The following TRAM2 variants were observed in gnomAD, a reference collection of about 807,000 sequenced individuals.
TRAM2 encodes the protein translocating chain-associated membrane protein 2.
Under a neutral mutation model 51.0 loss-of-function variants are expected in TRAM2, and 12 were observed. The observed-to-expected ratio is 0.24, with a 90% confidence interval of 0.15 to 0.38. TRAM2 has a LOEUF of 0.38. Ranked by LOEUF, TRAM2 falls within the 10% of genes least tolerant of loss-of-function variation. The probability of loss-of-function intolerance (pLI) is 1.00; values close to 1 mark genes in which losing one functional copy is unlikely to be tolerated. For missense variants in TRAM2, 361 were observed against 462.0 expected (o/e 0.78, Z 2.00); for synonymous variants, 175 against 179.4 (o/e 0.98, Z 0.20).
In TRAM2 at chr6:52,576,925, C is replaced by A. The variant is rs374259657; in HGVS notation, c.-10G>T. ...TCCTGCGGAAAGCCATGGCAGCGGG[C>A]GCGCAGCGGCCGGCGGGGCCCGCAC... On this transcript the variant is annotated 5_prime_UTR_variant, in exon 1 of 11. Coordinates refer to ENST00000182527, the MANE Select transcript of TRAM2 (RefSeq NM_012288.4). The A allele has an allele frequency of 6.2e-7, 1 of 1,607,172 alleles. No individual in the cohort carries two copies. The highest frequency in any genetic ancestry group is 2.2e-5 in the East Asian group (1 of 44,672).
At chr6:52,575,946 G>C (rs1767755703) in intron 1 of TRAM2, among the ~76,000 whole-genome samples, 1 of 152,160 alleles carries the variant, frequency 6.6e-6, no homozygotes, top group Non-Finnish European at 1.5e-5. Flanking sequence ...TCAGTCTTGT[G>C]AATTCTGACC....
At chr6:52,508,835 A>G (rs971719876) in intron 5 of TRAM2, among the ~76,000 whole-genome samples, 9 of 152,140 alleles carry the variant, frequency 5.9e-5, no homozygotes, top group Non-Finnish European at 1.2e-4. Flanking sequence ...GGAGTTTGAG[A>G]CCAGCCTGGC....
intron 2 of TRAM2, among the ~76,000 whole-genome samples, chr6:52,518,348 CGTGGTGA>C (rs1766592544): frequency 6.6e-6 from 1 of 152,144 alleles, no homozygotes; most frequent in Non-Finnish European, 1.5e-5. Context: ...GGGAGGTCAC[CGTGGTGA>C]GCGGCGGGCT....
At chr6:52,509,381 A>T (rs1213059452) in intron 5 of TRAM2, 147 bp downstream of exon 5, 1 of 671,982 alleles carries the variant, frequency 1.5e-6, no homozygotes, top group Non-Finnish European at 2.6e-6. Context: ...AGTGGCTTCC[A>T]GACAAGTCTA....
intron 2 of TRAM2, among the ~76,000 whole-genome samples, chr6:52,526,090 T>C (rs1035590964): frequency 2.0e-5 from 3 of 151,842 alleles, no homozygotes; most frequent in African/African-American, 4.8e-5. Context: ...TACATTTCTG[T>C]TGTTTAAGCC....
chr6:52,512,255 G>C (rs1766464486), intron 4 of TRAM2, among the ~76,000 whole-genome samples: 3 of 152,182 alleles, frequency 2.0e-5, no homozygotes, highest in Admixed American at 6.5e-5. Flanking sequence ...TTTTAAACAG[G>C]AACGCTCCTT....
rs1374071650 is a variant in TRAM2, at chr6:52,506,094, T to C, written c.669A>G (p.Ser223=). The C allele has an allele frequency of 6.2e-7, 1 of 1,614,106 alleles. No homozygotes were observed. Among genetic ancestry groups the C allele is most frequent in the African/African-American group, 1.3e-5 (1 of 75,042 alleles). The change falls in exon 8 of 11, where the codon TCA becomes TCG. Residue 223 remains serine (S), a synonymous_variant. Coordinates refer to ENST00000182527, the MANE Select transcript of TRAM2 (RefSeq NM_012288.4). ...TAGCCGTGTGGAAGAGGAACTCAGT[T>C]GAGTACTGCAGCAGCAGCAAGATCA... ...LGLILLLLQY[S]TEFLFHTARL...
At chr6:52,515,927 C>A in intron 4 of TRAM2, 79 bp downstream of exon 4, 1 of 1,248,008 alleles carries the variant, frequency 8.0e-7, no homozygotes, top group South Asian at 1.3e-5. Context: ...CCTTTGCAGT[C>A]ATTTGATTAG....
At chr6:52,519,681 T>C (rs1766628273) in intron 2 of TRAM2, among the ~76,000 whole-genome samples, 1 of 152,158 alleles carries the variant, frequency 6.6e-6, no homozygotes, top group Admixed American at 6.5e-5. Context: ...AATAAAATAT[T>C]TGTACATCCA....
In TRAM2 at chr6:52,516,093, T is replaced by C; in HGVS notation, c.324A>G (p.Lys108=). The change falls in exon 4 of 11, where the codon AAA becomes AAG. Residue 108 remains lysine (K), a synonymous_variant. Coordinates refer to ENST00000182527, the MANE Select transcript of TRAM2 (RefSeq NM_012288.4). ...ATTCATTGAACTTGCTGTGTTTGAC[T>C]TTGGAGAGATGAAGCCGTTTGCTGA... ...DKISKRLHLS[K]VKHSKFNESG... is the part of the protein sequence containing the mutation. 6.2e-7 allele frequency: 1 copy of C among 1,614,160 alleles called. No individual in the cohort carries two copies. The highest frequency in any genetic ancestry group is 2.2e-5 in the East Asian group (1 of 44,888).
At chr6:52,542,212 CA>C (rs1767109067) in intron 1 of TRAM2, among the ~76,000 whole-genome samples, 1 of 150,408 alleles carries the variant, frequency 6.6e-6, no homozygotes, top group African/African-American at 2.5e-5. Flanking sequence ...TTCAGGCAGA[CA>C]AGAAAACCTT....
chr6:52,569,350 A>G (rs1192860758), intron 1 of TRAM2, among the ~76,000 whole-genome samples: 2 of 149,720 alleles, frequency 1.3e-5, no homozygotes, highest in East Asian at 3.9e-4. Flanking sequence ...AGATTGCACC[A>G]CTGTACTCCA....
At chr6:52,543,101 T>C (rs1234331416) in intron 1 of TRAM2, among the ~76,000 whole-genome samples, 1 of 152,210 alleles carries the variant, frequency 6.6e-6, no homozygotes, top group African/African-American at 2.4e-5. Context: ...TAGCCTTATA[T>C]AAAACATACG....
At chr6:52,535,122 C>A (rs978870117) in intron 2 of TRAM2, among the ~76,000 whole-genome samples, 10 of 152,174 alleles carry the variant, frequency 6.6e-5, no homozygotes, top group African/African-American at 2.2e-4. Flanking sequence ...AACATCCTGC[C>A]CATTCTCCTC....
chr6:52,537,246 T>G (rs986189548), intron 1 of TRAM2, among the ~76,000 whole-genome samples: 1 of 151,986 alleles, frequency 6.6e-6, no homozygotes, highest in Non-Finnish European at 1.5e-5. Flanking sequence ...CTAAGAGGAG[T>G]GATAGAAAAC....
intron 2 of TRAM2, among the ~76,000 whole-genome samples, chr6:52,531,391 G>A (rs901496039): frequency 6.6e-6 from 1 of 152,260 alleles, no homozygotes; most frequent in South Asian, 2.1e-4. Flanking sequence ...GCCCCAAATG[G>A]CAAGATTTAA....
At chr6:52,532,083 T>C (rs1466955256) in intron 2 of TRAM2, among the ~76,000 whole-genome samples, 1 of 152,244 alleles carries the variant, frequency 6.6e-6, no homozygotes, top group African/African-American at 2.4e-5. Context: ...AGTTCAGCTC[T>C]AGAGTGTGCT....
chr6:52,523,452 T>A (rs1002002772), intron 2 of TRAM2: 2 of 152,486 alleles, frequency 1.3e-5, no homozygotes, highest in Admixed American at 6.5e-5. Flanking sequence ...GTTATACATT[T>A]AAAAAAATGC....
At chr6:52,541,613 GCCTCTCGGGTTAAT>G (rs902881634) in intron 1 of TRAM2, among the ~76,000 whole-genome samples, 7 of 152,106 alleles carry the variant, frequency 4.6e-5, no homozygotes, top group African/African-American at 1.4e-4. Flanking sequence ...AGAAAATAAG[GCCTCTCGGGTTAAT>G]CCACCACCTG....
Sources: gnomAD v4.1 joint callset for allele counts (sites outside exome capture counted in the v4.1 genomes callset) on GRCh38, gnomAD v4.1.1 for gene constraint, MANE v1.5 for transcripts, NCBI Gene and HGNC (gene_info 2026-07-23, HGNC 2026-07-21) for gene names.